Variants in EFCAB8 observed in about 807,000 individuals in gnomAD.
EFCAB8 encodes EF-hand calcium-binding domain-containing protein 8.
EFCAB8 carries 100 observed loss-of-function variants against 116.3 expected under a neutral mutation model. The observed-to-expected ratio is 0.86, with a 90% CI of 0.73 to 1.02. EFCAB8 has a LOEUF of 1.02. Ranked by LOEUF, EFCAB8 falls within the 50% of genes least tolerant of loss-of-function variation. The pLI is 0.00. For missense variants in EFCAB8, 1,320 were observed against 1,416.9 expected (o/e 0.93, Z 1.10); for synonymous variants, 558 against 567.9 (o/e 0.98, Z 0.25).
intron 23 of EFCAB8, among the ~76,000 whole-genome samples, chr20:32,952,298 T>G (rs760963669): frequency 6.6e-6 from 1 of 152,160 alleles, no homozygotes; most frequent in Non-Finnish European, 1.5e-5. Flanking sequence ...AGTTTTAAAT[T>G]TTGGCATTGT....
At position 32,919,954 on chromosome 20, in the gene EFCAB8, G is replaced by C. The variant is rs1259215970; in HGVS notation, c.2275-124G>C. 3 of 1,262,230 alleles carry C rather than the reference G, an allele frequency of 2.4e-6. No individual in the cohort carries two copies. In the East Asian group the frequency reaches 7.6e-5, roughly 32 times the overall value. 78.2% of individuals were successfully genotyped at this position (1,262,230 alleles called of 1,614,324 possible). Reference sequence around the variant, plus strand: ...GATCCACTGAGCGCTGCTTTTCCCAGGCCAGTGTACCTACTGCGGGGGCTT... The same window carrying C: ...GATCCACTGAGCGCTGCTTTTCCCACGCCAGTGTACCTACTGCGGGGGCTT... On this transcript the variant is annotated intron_variant, in intron 19 of 26. Coordinates refer to ENST00000400522, the MANE Select transcript of EFCAB8 (RefSeq NM_001143967.2).
At chr20:32,933,927 A>C (rs1328164316) in intron 22 of EFCAB8, among the ~76,000 whole-genome samples, 3 of 152,108 alleles carry the variant, frequency 2.0e-5, no homozygotes, top group African/African-American at 7.2e-5. Flanking sequence ...CAGTGAGCCG[A>C]GGTTGCGCCA....
At chr20:32,948,852 C>T (rs1388667277) in intron 23 of EFCAB8, among the ~76,000 whole-genome samples, 6 of 152,148 alleles carry the variant, frequency 3.9e-5, no homozygotes, top group Admixed American at 3.3e-4. Context: ...AAAAAACTTT[C>T]TCAACCTGAG....
At chr20:32,936,632 T>C (rs1399359492) in intron 22 of EFCAB8, among the ~76,000 whole-genome samples, 1 of 152,164 alleles carries the variant, frequency 6.6e-6, no homozygotes, top group Non-Finnish European at 1.5e-5. Flanking sequence ...AGTGCATGGG[T>C]TTATTTCTGG....
rs1192711628 is a variant in EFCAB8 at position 32,920,170 on chromosome 20, A to G, written c.2367A>G (p.Glu789=). The G allele has an allele frequency of 2.6e-6, 4 of 1,551,736 alleles. No homozygotes were observed. The highest frequency in any genetic ancestry group is 3.5e-6 in the Non-Finnish European group (4 of 1,146,990). ...AAGAGGATGAAACGAGAAAAGGAGA[A>G]TGGCAGAAGAATATGTTGGTTCAAT... ...IYKEDETRKG[E]WQKNMLVQSS... Residue 789 remains glutamate, a synonymous_variant, in exon 20 of 27, where the codon GAA becomes GAG. Coordinates refer to ENST00000400522, the MANE Select transcript of EFCAB8 (RefSeq NM_001143967.2).
chr20:32,934,770 A>G (rs944263247), intron 22 of EFCAB8, among the ~76,000 whole-genome samples: 1 of 152,088 alleles, frequency 6.6e-6, no homozygotes, highest in African/African-American at 2.4e-5. Context: ...CCCATGTAAG[A>G]CGTGCCTTTG....
At chr20:32,938,124 A>G (rs781579749) in intron 22 of EFCAB8, among the ~76,000 whole-genome samples, 11 of 150,160 alleles carry the variant, frequency 7.3e-5, no homozygotes, top group Non-Finnish European at 1.2e-4. Context: ...ATGACCAAGT[A>G]AGATTTATCC....
intron 10 of EFCAB8, among the ~76,000 whole-genome samples, chr20:32,897,439 CTTT>C (rs10693739): frequency 2.2e-5 from 3 of 136,216 alleles, no homozygotes; most frequent in African/African-American, 2.7e-5. Flanking sequence ...CCTGCACTGA[CTTT>C]TTTTTTTTTT....
chr20:32,923,626 G>A (rs552640095), intron 20 of EFCAB8, among the ~76,000 whole-genome samples: 1 of 152,124 alleles, frequency 6.6e-6, no homozygotes, highest in Admixed American at 6.6e-5. Flanking sequence ...GAATTTTTTT[G>A]TGCATATACA....
chr20:32,928,298 C>CA (rs1987754165), intron 20 of EFCAB8, among the ~76,000 whole-genome samples: 2 of 151,588 alleles, frequency 1.3e-5, no homozygotes, highest in Admixed American at 6.6e-5. Flanking sequence ...TACAATGGCA[C>CA]GATCTCGGCT....
chr20:32,959,462 C>T (rs1989072828), intron 24 of EFCAB8, among the ~76,000 whole-genome samples: 1 of 152,158 alleles, frequency 6.6e-6, no homozygotes, highest in Non-Finnish European at 1.5e-5. Context: ...GCAGGGTTTC[C>T]CTGGGGCAGG....
Position 32,885,592 on chromosome 20 carries a change from G to A in EFCAB8, c.519G>A (p.Gly173=). ...GTTTCCTGACTGTCACCAAAGACGG[G>A]ATCCTGCAGTTCTGGTCTGAGTCCT... is the stretch of plus-strand genomic sequence containing the variant. ...IGCFLTVTKD[G]ILQFWSESFS... Residue 173 remains glycine, a synonymous_variant, in exon 6 of 27, where the codon GGG becomes GGA. Coordinates refer to ENST00000400522, the MANE Select transcript of EFCAB8 (RefSeq NM_001143967.2). 1 of 1,551,808 alleles carries A rather than the reference G, an allele frequency of 6.4e-7. No homozygotes were observed. Among genetic ancestry groups the A allele is most frequent in the Non-Finnish European group, 8.7e-7 (1 of 1,147,016 alleles).
At chr20:32,922,983 A>C (rs543165822) in intron 20 of EFCAB8, among the ~76,000 whole-genome samples, 221 of 152,328 alleles carry the variant, frequency 1.5e-3, no homozygotes, top group African/African-American at 5.1e-3. Context: ...CAGGAGTTCT[A>C]GACCAGCTTG....
chr20:32,899,338 G>A (rs568355875), intron 11 of EFCAB8, among the ~76,000 whole-genome samples: 9 of 149,514 alleles, frequency 6.0e-5, no homozygotes, highest in South Asian at 2.1e-4. Context: ...CCAGGAGGTG[G>A]AGCTTGCAGT....
chr20:32,934,133 C>T (rs191545143), intron 22 of EFCAB8, among the ~76,000 whole-genome samples: 7 of 152,124 alleles, frequency 4.6e-5, no homozygotes, highest in Admixed American at 2.0e-4. Flanking sequence ...TGTGAGCCAC[C>T]GTGCCCAGCC....
intron 5 of EFCAB8, among the ~76,000 whole-genome samples, chr20:32,882,457 TCTTG>T (rs1466718586): frequency 6.6e-6 from 1 of 152,218 alleles, no homozygotes; most frequent in East Asian, 1.9e-4. Flanking sequence ...TGTGAGTATC[TCTTG>T]CTTGCATTCC....
At chr20:32,925,056 A>T (rs1987618910) in intron 20 of EFCAB8, among the ~76,000 whole-genome samples, 2 of 152,102 alleles carry the variant, frequency 1.3e-5, no homozygotes, top group South Asian at 4.1e-4. Context: ...TAAGGACACC[A>T]GACAGGGAGT....
At chr20:32,930,375 C>T (rs1438312874) in intron 20 of EFCAB8, 23 bp from the exon 21 acceptor site, 1 of 1,542,366 alleles carries the variant, frequency 6.5e-7, no homozygotes, top group Non-Finnish European at 8.7e-7. Context: ...CCCTGCTGAG[C>T]CGGGCCCTCC....
At position 32,931,251 on chromosome 20, in the gene EFCAB8, C is replaced by G; in HGVS notation, c.2705C>G (p.Ser902Cys). Residue 902 changes from serine (S) to cysteine (C), a missense_variant, in exon 22 of 27, where the codon TCT (serine) becomes TGT (cysteine). By Grantham distance (112) the Ser-to-Cys change is moderately radical (BLOSUM62 -1). Coordinates refer to ENST00000400522, the MANE Select transcript of EFCAB8 (RefSeq NM_001143967.2). The part of the protein sequence containing the change: ...PFQSSGAKVV[S>C]EAHNKFRLLI... ...CAATCCAGTGGGGCCAAGGTTGTCT[C>G]TGAAGCACACAACAAGTTCCGGTTG... 6.4e-7 allele frequency: 1 copy of G among 1,551,572 alleles called. No homozygotes were observed. Among genetic ancestry groups the G allele is most frequent in the East Asian group, 2.4e-5 (1 of 40,922 alleles).
Sources: gnomAD v4.1 joint callset for allele counts (sites outside exome capture counted in the v4.1 genomes callset) on GRCh38, gnomAD v4.1.1 for gene constraint, MANE v1.5 for transcripts, NCBI Gene and HGNC (gene_info 2026-07-23, HGNC 2026-07-21) for gene names.